The following ASTN1 variants were observed in gnomAD, a reference collection of about 807,000 sequenced individuals.
ASTN1 encodes the protein astrotactin-1.
A neutral mutation model predicts 140.7 loss-of-function variants in ASTN1; 41 were observed. The ratio of observed to expected loss-of-function variants is 0.29; its 90% CI spans 0.23 to 0.38. The LOEUF is 0.38. ASTN1 is among the 10% of genes least tolerant of loss of function. The probability of loss-of-function intolerance (pLI) is 1.00; values close to 1 mark genes in which losing one functional copy is unlikely to be tolerated. For synonymous variants in ASTN1, 640 were observed against 652.2 expected (o/e 0.98, Z 0.29); for missense variants, 1,479 against 1,678.8 (o/e 0.88, Z 2.08).
At position 177,057,931 on chromosome 1, in the gene ASTN1, C is replaced by T. The variant is rs115389012; in HGVS notation, c.471+3147G>A. ...ATAAAGTGTGTCAAATAAAGTCTAC[C>T]ACCACTTGAGTCTCTTAGGAGGAAG... On this transcript the variant is annotated intron_variant, in intron 2 of 22. Transcript: ENST00000361833. Among the ~76,000 whole-genome samples the T allele has an allele frequency of 7.6e-3, 1,162 of 152,232 alleles. 18 individuals are homozygous for T. The highest frequency in any genetic ancestry group is 0.027 in the African/African-American group (1,112 of 41,538).
chr1:176,911,460 C>A (rs1324564152), intron 16 of ASTN1, among the ~76,000 whole-genome samples: 1 of 152,144 alleles, frequency 6.6e-6, no homozygotes, highest in Non-Finnish European at 1.5e-5. Flanking sequence ...GCTTAAAACA[C>A]AAATTGCACA....
chr1:177,135,879 T>G (rs1682172629), intron 1 of ASTN1, among the ~76,000 whole-genome samples: 1 of 152,240 alleles, frequency 6.6e-6, no homozygotes, highest in South Asian at 2.1e-4. Flanking sequence ...AGACTCTGCA[T>G]TTGAACAATA....
In ASTN1 at chr1:177,159,933, A is replaced by G. The variant is rs61628813; in HGVS notation, c.283+4461T>C. 9.1e-4 allele frequency among the ~76,000 whole-genome samples: 139 copies of G among 152,344 alleles called. 4 individuals are homozygous for G. In the East Asian group the frequency reaches 0.026, roughly 29 times the overall value. Reference sequence around the variant, plus strand: ...TCCCAAACTCTTCTTAGCAAAGTATATGTACTTAGCTAACTATTTTTTGAT... The same window carrying G: ...TCCCAAACTCTTCTTAGCAAAGTATGTGTACTTAGCTAACTATTTTTTGAT... On this transcript the variant is annotated intron_variant, in intron 1 of 22. Coordinates refer to ENST00000361833, the MANE Select transcript of ASTN1 (RefSeq NM_004319.3).
At chr1:177,101,118 G>GA (rs1680282259) in intron 1 of ASTN1, among the ~76,000 whole-genome samples, 1 of 152,046 alleles carries the variant, frequency 6.6e-6, no homozygotes, top group African/African-American at 2.4e-5. Context: ...TTAAAAAAGT[G>GA]AAAACCTAGC....
chr1:176,985,048 T>G (rs1243521240), intron 8 of ASTN1, among the ~76,000 whole-genome samples: 4 of 152,216 alleles, frequency 2.6e-5, no homozygotes, highest in Non-Finnish European at 4.4e-5. Context: ...AGCAACTTTG[T>G]GCCTTCATGT....
At chr1:176,869,161 A>G in intron 21 of ASTN1, 134 bp from the exon 22 acceptor site, 1 of 527,194 alleles carries the variant, frequency 1.9e-6, no homozygotes, top group East Asian at 3.6e-5. Context: ...TAATGTATAT[A>G]TAATATGCAT....
chr1:176,925,772 A>T (rs1157448492), intron 16 of ASTN1, among the ~76,000 whole-genome samples: 1 of 151,652 alleles, frequency 6.6e-6, no homozygotes, highest in Non-Finnish European at 1.5e-5. Flanking sequence ...GCTAAAAGGC[A>T]AGAAGTGATT....
intron 8 of ASTN1, among the ~76,000 whole-genome samples, chr1:176,993,491 T>C (rs1177499412): frequency 6.6e-6 from 1 of 152,036 alleles, no homozygotes; most frequent in Non-Finnish European, 1.5e-5. Context: ...AGGAAGACAT[T>C]TATCCTTAAT....
chr1:176,913,937 G>A (rs1366729344), intron 16 of ASTN1, among the ~76,000 whole-genome samples: 2 of 152,216 alleles, frequency 1.3e-5, no homozygotes, highest in Non-Finnish European at 2.9e-5. Flanking sequence ...TGATTGATTA[G>A]AAGAGACAAA....
At chr1:177,118,854 T>C (rs886253290) in intron 1 of ASTN1, among the ~76,000 whole-genome samples, 7 of 152,268 alleles carry the variant, frequency 4.6e-5, no homozygotes, top group African/African-American at 1.4e-4. Context: ...CACCTTCTAG[T>C]TGGGGGACTG....
intron 1 of ASTN1, among the ~76,000 whole-genome samples, chr1:177,121,606 A>G (rs1036781234): frequency 2.0e-5 from 3 of 152,146 alleles, no homozygotes; most frequent in African/African-American, 7.2e-5. Context: ...TTTTACTACC[A>G]TTAGCACACA....
chr1:177,116,982 A>G (rs953293518), intron 1 of ASTN1, among the ~76,000 whole-genome samples: 1 of 152,054 alleles, frequency 6.6e-6, no homozygotes, highest in Non-Finnish European at 1.5e-5. Context: ...TCCCACCTTC[A>G]TAACTCTAGT....
chr1:177,164,710 G>A lies in ASTN1; in HGVS notation c.-34C>T. The stretch of plus-strand genomic sequence containing the variant: ...CCGGCCGCCTTCCTCCTAGCGCTGC[G>A]ATGGTGGGGGAGGAAGCGAGCGGGG... On this transcript the variant is annotated 5_prime_UTR_variant, in exon 1 of 23. Transcript: ENST00000361833. 4 of 1,512,042 alleles carry A rather than the reference G, an allele frequency of 2.6e-6. No individual in the cohort carries two copies. The highest frequency in any genetic ancestry group is 1.2e-5 in the South Asian group (1 of 80,238). The allele number at this position is 1,512,042 out of a possible 1,614,324, so 93.7% of individuals were successfully genotyped here.
chr1:176,931,548 G>A (rs186513378), intron 16 of ASTN1, among the ~76,000 whole-genome samples: 1 of 152,172 alleles, frequency 6.6e-6, no homozygotes, highest in Admixed American at 6.6e-5. Context: ...GATCCTCAAT[G>A]TTGGTATGGC....
At chr1:176,950,711 A>T (rs1380255363) in intron 11 of ASTN1, among the ~76,000 whole-genome samples, 1 of 152,046 alleles carries the variant, frequency 6.6e-6, no homozygotes, top group African/African-American at 2.4e-5. Context: ...GCACAAGGTC[A>T]AGCAGCAGGA....
At chr1:177,105,982 C>T (rs763085836) in intron 1 of ASTN1, among the ~76,000 whole-genome samples, 2 of 152,042 alleles carry the variant, frequency 1.3e-5, no homozygotes, top group Non-Finnish European at 2.9e-5. Context: ...GGAGACAGAG[C>T]GAGACCCCAT....
chr1:177,147,674 C>A (rs551756502), intron 1 of ASTN1, among the ~76,000 whole-genome samples: 2 of 152,166 alleles, frequency 1.3e-5, no homozygotes, highest in African/African-American at 4.8e-5. Flanking sequence ...AACTTTGAGG[C>A]TGTCACTTCA....
intron 8 of ASTN1, among the ~76,000 whole-genome samples, chr1:176,994,918 A>T (rs541657083): frequency 6.6e-6 from 1 of 152,312 alleles, no homozygotes; most frequent in Non-Finnish European, 1.5e-5. Flanking sequence ...AAAGTCATCA[A>T]TAAATGTTTA....
chr1:177,139,571 TTGAGAAC>T (rs1410535313), intron 1 of ASTN1, among the ~76,000 whole-genome samples: 1 of 152,232 alleles, frequency 6.6e-6, no homozygotes, highest in Non-Finnish European at 1.5e-5. Flanking sequence ...GTGGAAATGC[TTGAGAAC>T]TTTGAAAATC....
Sources: gnomAD v4.1 joint callset for allele counts (sites outside exome capture counted in the v4.1 genomes callset) on GRCh38, gnomAD v4.1.1 for gene constraint, MANE v1.5 for transcripts, NCBI Gene and HGNC (gene_info 2026-07-23, HGNC 2026-07-21) for gene names.